Variants in BMP7 observed in about 807,000 individuals in gnomAD.
BMP7 encodes the protein bone morphogenetic protein 7.
Under a neutral mutation model 41.2 loss-of-function variants are expected in BMP7, and 12 were observed. The ratio of observed to expected loss-of-function variants is 0.29; its 90% CI spans 0.19 to 0.47. BMP7 has a LOEUF of 0.47. Among genes scored for constraint, BMP7 ranks in the 20% least tolerant of loss-of-function variants. The pLI is 0.99. For synonymous variants in BMP7, 248 were observed against 250.0 expected (o/e 0.99, Z 0.07); for missense variants, 467 against 606.0 (o/e 0.77, Z 2.41).
At chr20:57,196,951 G>A (rs1984505994) in intron 3 of BMP7, among the ~76,000 whole-genome samples, 1 of 151,784 alleles carries the variant, frequency 6.6e-6, no homozygotes, top group African/African-American at 2.4e-5. Flanking sequence ...GCCCAGGCTG[G>A]AGTGCGGTAG....
chr20:57,198,814 G>A (rs921141031), intron 3 of BMP7, among the ~76,000 whole-genome samples: 2 of 152,186 alleles, frequency 1.3e-5, no homozygotes, highest in East Asian at 1.9e-4. Context: ...GAAGGTCTGC[G>A]ATGGCTGCGC....
intron 2 of BMP7, among the ~76,000 whole-genome samples, chr20:57,219,057 ATTTG>A (rs1473339509): frequency 9.7e-6 from 1 of 102,862 alleles, no homozygotes; most frequent in Admixed American, 1.0e-4. Flanking sequence ...GGTAGCTGGC[ATTTG>A]TTTGGTGGTA....
At chr20:57,204,485 G>A (rs184982266) in intron 2 of BMP7, among the ~76,000 whole-genome samples, 4 of 152,194 alleles carry the variant, frequency 2.6e-5, no homozygotes, top group African/African-American at 4.8e-5. Context: ...TAACAGACCC[G>A]GAGAAGCCTA....
At chr20:57,211,167 C>G (rs1036761398) in intron 2 of BMP7, among the ~76,000 whole-genome samples, 2 of 152,220 alleles carry the variant, frequency 1.3e-5, no homozygotes, top group African/African-American at 4.8e-5. Context: ...AAGGGACACT[C>G]TCCCACCTCC....
chr20:57,221,431 A>G (rs145268980), intron 2 of BMP7, among the ~76,000 whole-genome samples: 77 of 152,310 alleles, frequency 5.1e-4, no homozygotes, highest in Middle Eastern at 3.4e-3. Flanking sequence ...CCAGCCAAGG[A>G]AGAAAAACAT....
At chr20:57,173,652 A>C in intron 5 of BMP7, 2 of 276,156 alleles carry the variant, frequency 7.2e-6, no homozygotes, top group Non-Finnish European at 6.3e-6. Context: ...AAAACATAAA[A>C]TAAAAATGAA....
At chr20:57,247,836 C>T (rs1056171118) in intron 1 of BMP7, among the ~76,000 whole-genome samples, 1 of 152,204 alleles carries the variant, frequency 6.6e-6, no homozygotes, top group Non-Finnish European at 1.5e-5. Context: ...CCACCCCAGC[C>T]TCTGCTTCCT....
At chr20:57,195,313 C>T (rs1461655316) in intron 3 of BMP7, among the ~76,000 whole-genome samples, 1 of 152,202 alleles carries the variant, frequency 6.6e-6, no homozygotes, top group Non-Finnish European at 1.5e-5. Flanking sequence ...AGACCCACAG[C>T]ACAAGAATGT....
In BMP7 at chr20:57,218,853, T is replaced by C. The variant is rs371014144; in HGVS notation, c.611+9376A>G. On this transcript the variant is annotated intron_variant, in intron 2 of 6. Transcript: ENST00000395863. The stretch of plus-strand genomic sequence containing the variant: ...GTGTTCGGTGGTAGCTGGTATGTGT[T>C]TGCTGGTAGCTGGTGTTTGGTGGTA... Among the ~76,000 whole-genome samples the C allele has an allele frequency of 9.8e-3, 1,477 of 150,536 alleles. 21 individuals are homozygous for C. Among genetic ancestry groups the C allele is most frequent in the African/African-American group, 0.034 (1,399 of 40,710 alleles).
chr20:57,185,248 T>C (rs1984182582), intron 3 of BMP7, among the ~76,000 whole-genome samples: 2 of 152,220 alleles, frequency 1.3e-5, no homozygotes, highest in African/African-American at 4.8e-5. Context: ...TTTTAACTTT[T>C]TGTTGTGAAA....
intron 2 of BMP7, among the ~76,000 whole-genome samples, chr20:57,212,946 C>T (rs1182051508): frequency 2.0e-5 from 3 of 152,260 alleles, no homozygotes; most frequent in African/African-American, 7.2e-5. Flanking sequence ...CAGTCCCTGG[C>T]ATCCCCCAGA....
At chr20:57,206,621 G>A (rs922995534) in intron 2 of BMP7, among the ~76,000 whole-genome samples, 2 of 152,204 alleles carry the variant, frequency 1.3e-5, no homozygotes, top group Admixed American at 6.5e-5. Context: ...AGGTGATGGA[G>A]AAGGGATAAG....
intron 1 of BMP7, among the ~76,000 whole-genome samples, chr20:57,229,598 C>T (rs771985305): frequency 2.0e-5 from 3 of 152,176 alleles, no homozygotes; most frequent in Non-Finnish European, 2.9e-5. Context: ...TGACCACACT[C>T]AGGCCAGTGA....
chr20:57,253,385 C>A (rs7271402), intron 1 of BMP7, among the ~76,000 whole-genome samples: 2 of 152,132 alleles, frequency 1.3e-5, no homozygotes, highest in Non-Finnish European at 2.9e-5. Flanking sequence ...AGAAGAAAAT[C>A]GAAAGATCTT....
At position 57,193,367 on chromosome 20, in the gene BMP7, A is replaced by C. The variant is rs1373735485; in HGVS notation, c.760+9108T>G. 5.9e-5 allele frequency among the ~76,000 whole-genome samples: 9 copies of C among 152,154 alleles called. No individual in the cohort carries two copies. The East Asian group carries it at 1.7e-3, about 29-fold the overall frequency. Reference sequence around the variant, plus strand: ...GTTGCTACTGGCATTGAGTGGGTGGAGGCCAGGGAAGCTGTCAACATCCTA... The same window carrying C: ...GTTGCTACTGGCATTGAGTGGGTGGCGGCCAGGGAAGCTGTCAACATCCTA... On this transcript the variant is annotated intron_variant, in intron 3 of 6. Transcript: ENST00000395863.
chr20:57,188,028 A>C (rs554412240), intron 3 of BMP7, among the ~76,000 whole-genome samples: 1 of 152,358 alleles, frequency 6.6e-6, no homozygotes, highest in Non-Finnish European at 1.5e-5. Flanking sequence ...GGGATACAGA[A>C]AATACACTGG....
intron 2 of BMP7, among the ~76,000 whole-genome samples, chr20:57,212,604 A>T (rs1401372563): frequency 1.8e-4 from 27 of 152,238 alleles, no homozygotes; most frequent in Admixed American, 1.8e-3. Flanking sequence ...GAAGAAAAGG[A>T]GCAAGAGAGC....
chr20:57,204,810 C>T (rs573177092), intron 2 of BMP7, among the ~76,000 whole-genome samples: 1 of 152,338 alleles, frequency 6.6e-6, no homozygotes, highest in African/African-American at 2.4e-5. Flanking sequence ...ACCCCCAGAA[C>T]CTGATTCAGA....
At chr20:57,217,348 A>C (rs538188244) in intron 2 of BMP7, among the ~76,000 whole-genome samples, 61 of 152,306 alleles carry the variant, frequency 4.0e-4, no homozygotes, top group African/African-American at 1.3e-3. Context: ...GAGTTAGGAG[A>C]CAAAGAACCC....
Sources: allele counts gnomAD v4.1 joint callset (sites outside exome capture counted in the v4.1 genomes callset), GRCh38; gene constraint gnomAD v4.1.1; transcripts MANE v1.5; gene names NCBI Gene and HGNC (gene_info 2026-07-23, HGNC 2026-07-21).